DCC: variants seen among roughly 807,000 people sequenced by gnomAD.
The protein encoded by DCC is netrin receptor DCC.
A neutral mutation model predicts 172.5 loss-of-function variants in DCC; 58 were observed. That is an observed-to-expected ratio of 0.34 (90% CI 0.27 to 0.42). DCC has a LOEUF of 0.42. Ranked by LOEUF, DCC falls within the 10% of genes least tolerant of loss-of-function variation. The pLI, the probability that DCC is intolerant of heterozygous loss-of-function variation, is 1.00. For missense variants in DCC, 1,740 were observed against 1,791.0 expected (o/e 0.97, Z 0.51); for synonymous variants, 709 against 644.5 (o/e 1.10, Z -1.52).
At chr18:53,007,669 T>G (rs1242153017) in intron 5 of DCC, among the ~76,000 whole-genome samples, 4 of 152,120 alleles carry the variant, frequency 2.6e-5, no homozygotes. Flanking sequence ...AAACTACACA[T>G]TTATTTGTTC....
intron 1 of DCC, among the ~76,000 whole-genome samples, chr18:52,351,001 C>T (rs971609479): frequency 6.6e-5 from 10 of 152,086 alleles, no homozygotes; most frequent in African/African-American, 2.4e-4. Flanking sequence ...TTAACAAACC[C>T]ACAATTCCAA....
At chr18:52,626,869 A>AT (rs1157257357) in intron 1 of DCC, among the ~76,000 whole-genome samples, 1 of 152,192 alleles carries the variant, frequency 6.6e-6, no homozygotes, top group Non-Finnish European at 1.5e-5. Flanking sequence ...ATATGATACT[A>AT]TTTTTTGTAA....
intron 7 of DCC, among the ~76,000 whole-genome samples, chr18:53,073,120 T>C (rs956162263): frequency 2.0e-5 from 3 of 152,206 alleles, no homozygotes; most frequent in Non-Finnish European, 2.9e-5. Flanking sequence ...CAAATATTTT[T>C]GTAGGCCTAC....
At chr18:53,159,588 C>T (rs2054801586) in intron 8 of DCC, among the ~76,000 whole-genome samples, 1 of 152,190 alleles carries the variant, frequency 6.6e-6, no homozygotes, top group Non-Finnish European at 1.5e-5. Context: ...AATAAAACTG[C>T]TATACAAATA....
chr18:53,039,699 T>C (rs2042143179), intron 5 of DCC, among the ~76,000 whole-genome samples: 1 of 151,972 alleles, frequency 6.6e-6, no homozygotes, highest in Admixed American at 6.6e-5. Context: ...CATAGGTTAT[T>C]GGTCATTATG....
intron 1 of DCC, among the ~76,000 whole-genome samples, chr18:52,723,920 G>A (rs190272618): frequency 1.1e-4 from 16 of 152,260 alleles, no homozygotes; most frequent in East Asian, 9.7e-4. Context: ...CCCACCAGCT[G>A]TGAGCCACTC....
chr18:53,530,750 T>C lies in DCC; in HGVS notation c.*97T>C. The C allele has an allele frequency of 1.3e-6, 1 of 779,034 alleles. No homozygotes were observed. Among genetic ancestry groups the C allele is most frequent in the East Asian group, 2.5e-5 (1 of 40,630 alleles). The allele number at this position is 779,034 out of a possible 1,614,324, so 48.3% of individuals were successfully genotyped here. A position where few individuals can be genotyped will look rare whatever the true frequency, so the allele number is the denominator to read the frequency against. On this transcript the variant is annotated 3_prime_UTR_variant, in exon 29 of 29. Transcript: ENST00000442544. Reference sequence around the variant, plus strand: ...ACCTGTGTCCAAGAACTCTAACCAGTGTACAGGTCACCCATCAGGACCACT... The same window carrying C: ...ACCTGTGTCCAAGAACTCTAACCAGCGTACAGGTCACCCATCAGGACCACT...
intron 27 of DCC, among the ~76,000 whole-genome samples, chr18:53,525,298 TGTA>T (rs1598849513): frequency 6.6e-6 from 1 of 152,244 alleles, no homozygotes; most frequent in East Asian, 1.9e-4. Context: ...TCTAGACTTT[TGTA>T]GGCACTCAGT....
intron 9 of DCC, among the ~76,000 whole-genome samples, chr18:53,183,386 T>A (rs2055228063): frequency 6.6e-6 from 1 of 152,178 alleles, no homozygotes; most frequent in African/African-American, 2.4e-5. Flanking sequence ...TTATGGTATG[T>A]AATTTCTCTA....
intron 2 of DCC, among the ~76,000 whole-genome samples, chr18:52,837,360 G>C (rs746604764): frequency 7.2e-5 from 11 of 152,194 alleles, no homozygotes; most frequent in Non-Finnish European, 1.2e-4. Context: ...TTGGCAGGCT[G>C]CAACTTTTCC....
intron 1 of DCC, among the ~76,000 whole-genome samples, chr18:52,385,410 G>A (rs1985755780): frequency 6.6e-6 from 1 of 151,908 alleles, no homozygotes; most frequent in Admixed American, 6.6e-5. Flanking sequence ...CATGTAGCTA[G>A]GACTACAGGC....
intron 1 of DCC, among the ~76,000 whole-genome samples, chr18:52,615,953 G>A (rs1403669922): frequency 6.6e-6 from 1 of 151,990 alleles, no homozygotes; most frequent in African/African-American, 2.4e-5. Context: ...AATGCATAAA[G>A]GTGAGATTTT....
chr18:52,984,722 A>G (rs146169926), intron 5 of DCC, among the ~76,000 whole-genome samples: 2 of 152,150 alleles, frequency 1.3e-5, no homozygotes, highest in African/African-American at 4.8e-5. Context: ...ACATTACTAT[A>G]GTATGATTAT....
chr18:52,595,739 A>G (rs1038283624), intron 1 of DCC, among the ~76,000 whole-genome samples: 1 of 152,138 alleles, frequency 6.6e-6, no homozygotes, highest in Non-Finnish European at 1.5e-5. Context: ...CTCAGCTGGT[A>G]TATTATTTTT....
intron 2 of DCC, among the ~76,000 whole-genome samples, chr18:52,833,711 AACTTT>A (rs1451530612): frequency 1.3e-5 from 2 of 152,180 alleles, no homozygotes; most frequent in African/African-American, 2.4e-5. Flanking sequence ...ACTGTTTAAA[AACTTT>A]ACTTCCTGAC....
intron 1 of DCC, among the ~76,000 whole-genome samples, chr18:52,466,161 A>G (rs1213756991): frequency 2.6e-5 from 4 of 152,170 alleles, no homozygotes; most frequent in Non-Finnish European, 5.9e-5. Context: ...CAAGTCTCTC[A>G]GCTCCAAGCC....
chr18:53,381,342 G>A (rs1907716548), intron 15 of DCC, among the ~76,000 whole-genome samples: 2 of 151,952 alleles, frequency 1.3e-5, no homozygotes, highest in Non-Finnish European at 2.9e-5. Flanking sequence ...AAGCATCTGG[G>A]TGGTGGGAAC....
intron 1 of DCC, among the ~76,000 whole-genome samples, chr18:52,550,339 A>G (rs1445412260): frequency 6.6e-6 from 1 of 151,340 alleles, no homozygotes; most frequent in Admixed American, 6.6e-5. Flanking sequence ...TCCTGAACAG[A>G]AAAGAGATTA....
intron 1 of DCC, among the ~76,000 whole-genome samples, chr18:52,431,558 G>C (rs1171743975): frequency 6.6e-6 from 1 of 152,114 alleles, no homozygotes; most frequent in Non-Finnish European, 1.5e-5. Flanking sequence ...AAAGAAAAAA[G>C]TATTGTTCGT....
Sources: allele counts gnomAD v4.1 joint callset (sites outside exome capture counted in the v4.1 genomes callset), GRCh38; gene constraint gnomAD v4.1.1; transcripts MANE v1.5; gene names NCBI Gene and HGNC (gene_info 2026-07-23, HGNC 2026-07-21).